The following PLXNA4 variants were observed in gnomAD, a reference collection of about 807,000 sequenced individuals.
The protein encoded by PLXNA4 is plexin-A4.
Under a neutral mutation model 191.8 loss-of-function variants are expected in PLXNA4, and 44 were observed. That is an observed-to-expected ratio of 0.23 (90% CI 0.18 to 0.29). The LOEUF is 0.29. PLXNA4 is among the 10% of genes least tolerant of loss of function. The probability of loss-of-function intolerance (pLI) is 1.00; values close to 1 mark genes in which losing one functional copy is unlikely to be tolerated. For synonymous variants in PLXNA4, 1,082 were observed against 1,009.5 expected (o/e 1.07, Z -1.36); for missense variants, 1,800 against 2,488.8 (o/e 0.72, Z 5.89).
Position 132,226,200 on chromosome 7 carries a change from C to T in PLXNA4, c.1943G>A (p.Ser648Asn). ...KSKETGMTFA[S>N]TSFVFYNCSV... is the part of the protein sequence containing the mutation. ...GCAATTGTAGAAGACAAAGCTGGTG[C>T]TGGCGAAGGTCATGCCGGTCTCCTT... The change falls in exon 8 of 32, where the codon AGC becomes AAC. Residue 648 changes from serine to asparagine, a missense_variant. Transcript: ENST00000321063. The T allele has an allele frequency of 1.9e-6, 3 of 1,613,978 alleles. No individual in the cohort carries two copies. Among genetic ancestry groups the T allele is most frequent in the African/African-American group, 2.7e-5 (2 of 75,048 alleles).
upstream of PLXNA4, among the ~76,000 whole-genome samples, chr7:132,580,294 A>G (rs1397604475): frequency 1.3e-5 from 2 of 152,128 alleles, no homozygotes; most frequent in Non-Finnish European, 2.9e-5. Flanking sequence ...GCATCTTACC[A>G]CAGTTCAAAA....
At chr7:132,205,245 C>G (rs766588957) in intron 10 of PLXNA4, among the ~76,000 whole-genome samples, 2 of 152,150 alleles carry the variant, frequency 1.3e-5, no homozygotes, top group Non-Finnish European at 2.9e-5. Flanking sequence ...ACTGGTGGCT[C>G]TTAGAGTGGT....
At chr7:132,384,323 A>C (rs1805025047) in intron 3 of PLXNA4, 1 of 985,182 alleles carries the variant, frequency 1.0e-6, no homozygotes, top group Non-Finnish European at 1.2e-6. Context: ...GCCTTCATAC[A>C]CTCTTGACTA....
intron 3 of PLXNA4, among the ~76,000 whole-genome samples, chr7:132,351,753 G>T (rs577726288): frequency 1.3e-5 from 2 of 152,294 alleles, no homozygotes; most frequent in Admixed American, 1.3e-4. Flanking sequence ...CACTTAGGTA[G>T]CAGGTACCAG....
At chr7:132,556,842 T>C (rs1487650227) in intron 1 of PLXNA4, among the ~76,000 whole-genome samples, 3 of 152,190 alleles carry the variant, frequency 2.0e-5, no homozygotes, top group Non-Finnish European at 2.9e-5. Flanking sequence ...TGAGATAATA[T>C]GAGAGAAGTC....
chr7:132,521,202 A>C (rs917908829), intron 1 of PLXNA4, among the ~76,000 whole-genome samples: 1 of 149,932 alleles, frequency 6.7e-6, no homozygotes, highest in Non-Finnish European at 1.5e-5. Flanking sequence ...AAAAAAAAAA[A>C]TTCAGAATGA....
chr7:132,595,623 C>T (rs1174213924), intron 2 of PLXNA4, among the ~76,000 whole-genome samples: 5 of 152,190 alleles, frequency 3.3e-5, no homozygotes, highest in Non-Finnish European at 7.3e-5. Context: ...CAGAGGAAAA[C>T]TTGTCCAGAT....
Position 132,260,002 on chromosome 7 carries a change from CA to C in PLXNA4, c.1504-18837del, listed in dbSNP as rs553621101. On this transcript the variant is annotated intron_variant, in intron 4 of 31. Coordinates refer to ENST00000321063, the MANE Select transcript of PLXNA4 (RefSeq NM_020911.2). Reference sequence around the variant, plus strand: ...GTCAGAAAGGCTATTATTAAAAAGACAAAAAATAACAGATGGAGAGGTTGTG... The same window carrying C: ...GTCAGAAAGGCTATTATTAAAAAGACAAAAATAACAGATGGAGAGGTTGTG... Among the ~76,000 whole-genome samples the C allele has an allele frequency of 3.5e-3, 525 of 151,990 alleles. 1 individual carries two copies. Among genetic ancestry groups the C allele is most frequent in the African/African-American group, 0.012 (502 of 41,464 alleles).
intron 15 of PLXNA4, among the ~76,000 whole-genome samples, chr7:132,185,906 T>C (rs1796864655): frequency 6.6e-6 from 1 of 152,214 alleles, no homozygotes; most frequent in East Asian, 1.9e-4. Context: ...CCCTGCTGTC[T>C]TTGTAGTATT....
At chr7:132,476,456 C>T (rs1004499731) in intron 3 of PLXNA4, among the ~76,000 whole-genome samples, 1 of 152,214 alleles carries the variant, frequency 6.6e-6, no homozygotes, top group African/African-American at 2.4e-5. Flanking sequence ...TTTTTCAATG[C>T]AATCTGCAGG....
At chr7:132,477,919 T>C (rs1176140058) in intron 3 of PLXNA4, among the ~76,000 whole-genome samples, 1 of 152,244 alleles carries the variant, frequency 6.6e-6, no homozygotes, top group Non-Finnish European at 1.5e-5. Flanking sequence ...TATGAGGCTA[T>C]TAATTTTAGA....
chr7:132,558,546 C>T (rs2116620892), intron 1 of PLXNA4, among the ~76,000 whole-genome samples: 1 of 152,270 alleles, frequency 6.6e-6, no homozygotes, highest in Non-Finnish European at 1.5e-5. Context: ...GCCAAGAAGG[C>T]TTCGGTCTTG....
chr7:132,287,441 T>G (rs1800723899), intron 4 of PLXNA4, among the ~76,000 whole-genome samples: 1 of 152,204 alleles, frequency 6.6e-6, no homozygotes, highest in South Asian at 2.1e-4. Context: ...AAGAGAGTTA[T>G]CATCACTTTA....
chr7:132,511,147 T>C (rs574896495), intron 1 of PLXNA4, among the ~76,000 whole-genome samples: 1 of 152,316 alleles, frequency 6.6e-6, no homozygotes, highest in African/African-American at 2.4e-5. Context: ...GTTTCTTGAC[T>C]GGCAGAAAGA....
At chr7:132,387,379 G>A (rs111770685) in intron 3 of PLXNA4, among the ~76,000 whole-genome samples, 2 of 152,210 alleles carry the variant, frequency 1.3e-5, no homozygotes, top group East Asian at 1.9e-4. Context: ...CAACCTTCAC[G>A]ATGTCTTTGA....
chr7:132,167,714 T>A (rs561433935), intron 22 of PLXNA4, among the ~76,000 whole-genome samples: 4 of 152,222 alleles, frequency 2.6e-5, no homozygotes, highest in African/African-American at 9.6e-5. Context: ...TTTTTATATT[T>A]TATTCTTGTA....
At chr7:132,283,146 C>T (rs565143524) in intron 4 of PLXNA4, among the ~76,000 whole-genome samples, 3 of 152,128 alleles carry the variant, frequency 2.0e-5, no homozygotes, top group East Asian at 3.9e-4. Flanking sequence ...GCTAGGATTA[C>T]AGGCATGAGC....
intron 3 of PLXNA4, among the ~76,000 whole-genome samples, chr7:132,392,040 A>C (rs1793515993): frequency 6.6e-6 from 1 of 152,100 alleles, no homozygotes; most frequent in African/African-American, 2.4e-5. Context: ...AGGCAGGAGA[A>C]TCACTCGACC....
intron 9 of PLXNA4, among the ~76,000 whole-genome samples, chr7:132,221,312 C>G (rs1798137240): frequency 6.6e-6 from 1 of 152,212 alleles, no homozygotes; most frequent in Non-Finnish European, 1.5e-5. Context: ...AATCCACCAG[C>G]TAGCTCAATT....
Sources: gnomAD v4.1 joint callset for allele counts (sites outside exome capture counted in the v4.1 genomes callset) on GRCh38, gnomAD v4.1.1 for gene constraint, MANE v1.5 for transcripts, NCBI Gene and HGNC (gene_info 2026-07-23, HGNC 2026-07-21) for gene names.